Variants in PIGX observed in about 807,000 individuals in gnomAD.
The protein encoded by PIGX is GPI alpha-1,4-mannosyltransferase I, stabilizing subunit.
A neutral mutation model predicts 28.7 loss-of-function variants in PIGX; 24 were observed. That is an observed-to-expected ratio of 0.84 (90% CI 0.60 to 1.17). The LOEUF (loss-of-function observed/expected upper bound fraction) is 1.17, where lower values mean the gene tolerates loss of function less well. PIGX is among the 50% of genes most tolerant of loss of function. PIGX has a pLI of 0.00. For missense variants in PIGX, 305 were observed against 317.8 expected (o/e 0.96, Z 0.31); for synonymous variants, 127 against 121.0 (o/e 1.05, Z -0.33).
intron 1 of PIGX, among the ~76,000 whole-genome samples, chr3:196,713,947 C>T (rs909596540): frequency 7.9e-5 from 12 of 151,890 alleles, no homozygotes; most frequent in African/African-American, 2.4e-4. Flanking sequence ...TCAACAAATT[C>T]GTTTTAAAAA....
In PIGX at chr3:196,712,494, G is replaced by A. The variant is rs928878693; in HGVS notation, c.-39G>A. On this transcript the variant is annotated 5_prime_UTR_variant, in exon 1 of 6. Coordinates refer to ENST00000392391, the MANE Select transcript of PIGX (RefSeq NM_017861.4). Reference sequence around the variant, plus strand: ...AGGCCCCTTCCTGCGTCCGCACCTGGCCCCGCGCGCCCCTCTCGGGCGTCC... The same window carrying A: ...AGGCCCCTTCCTGCGTCCGCACCTGACCCCGCGCGCCCCTCTCGGGCGTCC... 1 of 1,015,002 alleles carries A rather than the reference G, an allele frequency of 9.9e-7. No homozygotes were observed. The highest frequency in any genetic ancestry group is 1.2e-6 in the Non-Finnish European group (1 of 812,336). The allele number at this position is 1,015,002 out of a possible 1,614,324, so 62.9% of individuals were successfully genotyped here. A position where few individuals can be genotyped will look rare whatever the true frequency, so the allele number is the denominator to read the frequency against.
rs553908255 is a variant in PIGX, at chr3:196,713,197, C to T, written c.112+553C>T. On this transcript the variant is annotated intron_variant, in intron 1 of 5. Coordinates refer to ENST00000392391, the MANE Select transcript of PIGX (RefSeq NM_017861.4). ...TGTAAAATGAGGATGTTTCTGTCATCCTTGGTATCATTTAGATCCGTTTAG... is the reference window on the plus strand; with the variant it reads ...TGTAAAATGAGGATGTTTCTGTCATTCTTGGTATCATTTAGATCCGTTTAG... 4.6e-5 allele frequency: 27 copies of T among 588,324 alleles called. No individual in the cohort carries two copies. In the African/African-American group the frequency reaches 5.0e-4, roughly 11 times the overall value. The allele number at this position is 588,324 out of a possible 1,614,324, so 36.4% of individuals were successfully genotyped here.
At chr3:196,728,294 T>C in intron 4 of PIGX, 158 bp downstream of exon 4, 1 of 611,542 alleles carries the variant, frequency 1.6e-6, no homozygotes, top group South Asian at 2.0e-5. Context: ...CTAAACTATG[T>C]ATTTGAGTAG....
chr3:196,730,025 G>A (rs144351559), intron 4 of PIGX, among the ~76,000 whole-genome samples: 71 of 150,438 alleles, frequency 4.7e-4, no homozygotes, highest in African/African-American at 1.4e-3. Context: ...AGCTGAGATC[G>A]CGCCACTGCA....
At chr3:196,730,922 G>T in intron 4 of PIGX, 70 bp from the exon 5 acceptor site, 1 of 832,892 alleles carries the variant, frequency 1.2e-6, no homozygotes, top group South Asian at 1.4e-5. Flanking sequence ...TGTCTATTGA[G>T]GTTTAATACA....
intron 2 of PIGX, among the ~76,000 whole-genome samples, chr3:196,719,918 T>C (rs1188487564): frequency 1.3e-5 from 2 of 152,152 alleles, no homozygotes; most frequent in Non-Finnish European, 2.9e-5. Flanking sequence ...GCCTCCCGAT[T>C]ACAGGCGCCT....
intron 1 of PIGX, among the ~76,000 whole-genome samples, chr3:196,714,924 G>T (rs1309027181): frequency 2.0e-5 from 3 of 151,968 alleles, no homozygotes; most frequent in African/African-American, 4.8e-5. Context: ...AAAAATACAA[G>T]AATTAGCCGG....
At chr3:196,724,363 C>T (rs1712442936) in intron 3 of PIGX, among the ~76,000 whole-genome samples, 1 of 152,116 alleles carries the variant, frequency 6.6e-6, no homozygotes, top group African/African-American at 2.4e-5. Context: ...TGAGGCTATT[C>T]AAATTTAAAA....
chr3:196,722,559 A>G lies in PIGX; in HGVS notation c.318+3A>G. On this transcript the variant is annotated splice_donor_region_variant and intron_variant, in intron 3 of 5. Coordinates refer to ENST00000392391, the MANE Select transcript of PIGX (RefSeq NM_017861.4). ...TACGAGAGAGAAACATAACAGAGGT[A>G]CAGTTATTAGGGGATTTTTTGGGAG... The G allele has an allele frequency of 1.9e-6, 3 of 1,611,798 alleles. No individual in the cohort carries two copies. Among genetic ancestry groups the G allele is most frequent in the Middle Eastern group, 1.7e-4 (1 of 6,060 alleles).
intron 3 of PIGX, among the ~76,000 whole-genome samples, chr3:196,727,457 C>A (rs575687689): frequency 6.6e-6 from 1 of 152,068 alleles, no homozygotes; most frequent in Admixed American, 6.6e-5. Context: ...ACTTCCTGAC[C>A]GCAGTGCTCT....
chr3:196,716,932 T>A lies in PIGX; in HGVS notation c.176+11T>A, dbSNP rs1906044. The A allele has an allele frequency of 6.6e-7, 1 of 1,513,708 alleles. No homozygotes were observed. Among genetic ancestry groups the A allele is most frequent in the Non-Finnish European group, 9.2e-7 (1 of 1,090,514 alleles). The allele number at this position is 1,513,708 out of a possible 1,614,324, so 93.8% of individuals were successfully genotyped here. On this transcript the variant is annotated intron_variant, in intron 2 of 5. Transcript: ENST00000392391. ...AGATGGTTTCCACAGGTAAGTTGCCTGTTGATTTCTATTTCTATTAAAATA... is the reference window on the plus strand; with the variant it reads ...AGATGGTTTCCACAGGTAAGTTGCCAGTTGATTTCTATTTCTATTAAAATA...
At chr3:196,731,880 G>T (rs1234126406) in intron 5 of PIGX, among the ~76,000 whole-genome samples, 1 of 151,986 alleles carries the variant, frequency 6.6e-6, no homozygotes, top group Non-Finnish European at 1.5e-5. Context: ...AGGCTGGAGT[G>T]CAGTGGTGCA....
intron 1 of PIGX, among the ~76,000 whole-genome samples, chr3:196,714,082 C>G (rs1050447778): frequency 6.6e-6 from 1 of 152,156 alleles, no homozygotes; most frequent in Non-Finnish European, 1.5e-5. Flanking sequence ...TAAGCCTGTT[C>G]ATAATTTTTC....
At chr3:196,732,291 T>A (rs1301078037) in intron 5 of PIGX, among the ~76,000 whole-genome samples, 2 of 97,596 alleles carry the variant, frequency 2.0e-5, no homozygotes, top group South Asian at 3.7e-4. Flanking sequence ...TTATTTTATT[T>A]TTTTTTTTGA....
chr3:196,730,484 T>C (rs1712703041), intron 4 of PIGX, among the ~76,000 whole-genome samples: 2 of 152,152 alleles, frequency 1.3e-5, no homozygotes, highest in Admixed American at 6.5e-5. Context: ...GCGTAGTGGC[T>C]CACGCCTGTA....
Position 196,728,040 on chromosome 3 carries a change from T to A in PIGX, c.436T>A (p.Leu146Met), listed in dbSNP as rs1291773233. 1 of 1,614,056 alleles carries A rather than the reference T, an allele frequency of 6.2e-7. No individual in the cohort carries two copies. Among genetic ancestry groups the A allele is most frequent in the East Asian group, 2.2e-5 (1 of 44,898 alleles). Residue 146 changes from leucine to methionine, a missense_variant, in exon 4 of 6, where the codon TTG becomes ATG. Coordinates refer to ENST00000392391, the MANE Select transcript of PIGX (RefSeq NM_017861.4). ...GTGCATTGACTGTTTTCAAGCCTTT[T>A]TGCCTGTGCACTGCCGCTATCATCG...
At chr3:196,716,255 T>A (rs1385063027) in intron 1 of PIGX, among the ~76,000 whole-genome samples, 1 of 142,116 alleles carries the variant, frequency 7.0e-6, no homozygotes, top group African/African-American at 2.6e-5. Flanking sequence ...TTTACGTGCC[T>A]CCAGCTTTGC....
rs1712733010 is a variant in PIGX at position 196,731,093 on chromosome 3, G to C, written c.633+1G>C. 2 of 1,497,124 alleles carry C rather than the reference G, an allele frequency of 1.3e-6. No homozygotes were observed. Among genetic ancestry groups the C allele is most frequent in the South Asian group, 2.3e-5 (2 of 88,286 alleles). The allele number at this position is 1,497,124 out of a possible 1,614,324, so 92.7% of individuals were successfully genotyped here. ...ATGGAACAAGATGAAGTATAAATCAGTAAGCTAATGTTTTATGTTGTTTTT... is the reference window on the plus strand; with the variant it reads ...ATGGAACAAGATGAAGTATAAATCACTAAGCTAATGTTTTATGTTGTTTTT... On this transcript the variant is annotated splice_donor_variant, in intron 5 of 5. Transcript: ENST00000392391. LOFTEE classifies it high-confidence loss of function.
intron 5 of PIGX, 110 bp downstream of exon 5, chr3:196,731,202 G>T: frequency 4.0e-6 from 2 of 499,970 alleles, no homozygotes; most frequent in Non-Finnish European, 3.6e-6. Context: ...TTTTTAGGCG[G>T]AGTCTCGCTC....
Sources: gnomAD v4.1 joint callset for allele counts (sites outside exome capture counted in the v4.1 genomes callset) on GRCh38, gnomAD v4.1.1 for gene constraint, MANE v1.5 for transcripts, NCBI Gene and HGNC (gene_info 2026-07-23, HGNC 2026-07-21) for gene names.